The following MADD variants were observed in gnomAD, a reference collection of about 807,000 sequenced individuals.
MADD encodes the protein MAP kinase activating death domain.
MADD carries 109 observed loss-of-function variants against 176.7 expected under a neutral mutation model. The observed-to-expected ratio is 0.62, with a 90% confidence interval of 0.53 to 0.72. MADD has a LOEUF of 0.72. Ranked by LOEUF, MADD falls within the 30% of genes least tolerant of loss-of-function variation. MADD has a pLI of 0.00. For synonymous variants in MADD, 771 were observed against 771.3 expected, an observed-to-expected ratio of 1.00 and a Z score of 0.01; for missense variants, 1,914 against 2,045.5, an observed-to-expected ratio of 0.94 and a Z score of 1.24.
exon 5 of MADD, chr11:47,276,784 T>A: frequency 6.2e-7 from 1 of 1,614,182 alleles, no homozygotes. Context: ...GTGATGGCAT[T>A]CGTGGCAATG....
chr11:47,324,646 C>A, intron 30 of MADD, 69 bp downstream of exon 33: 1 of 1,038,052 alleles, frequency 9.6e-7, no homozygotes, highest in East Asian at 2.5e-5. Flanking sequence ...TCCAAGCCCC[C>A]AGTACTTCCC....
At chr11:47,294,507 T>C (rs902414947) in intron 20 of MADD, among the ~76,000 whole-genome samples, 1 of 151,374 alleles carries the variant, frequency 6.6e-6, no homozygotes, top group South Asian at 2.1e-4. Flanking sequence ...CCGTCTCTAC[T>C]AAAAATACAA....
At chr11:47,299,077 T>C (rs976316987) in intron 22 of MADD, among the ~76,000 whole-genome samples, 3 of 152,248 alleles carry the variant, frequency 2.0e-5, no homozygotes, top group African/African-American at 7.2e-5. Flanking sequence ...CAGTTATGGT[T>C]ACTATAGCTT....
intron 22 of MADD, among the ~76,000 whole-genome samples, chr11:47,304,631 T>C (rs1293083526): frequency 6.6e-6 from 1 of 152,238 alleles, no homozygotes; most frequent in Non-Finnish European, 1.5e-5. Context: ...CTAATTCATA[T>C]CATGAACTGT....
exon 10 of MADD, chr11:47,282,951 C>G (rs1361658129): frequency 1.2e-6 from 2 of 1,613,542 alleles, no homozygotes; most frequent in East Asian, 2.2e-5. Context: ...GACTCTGACT[C>G]CGAACCTACT....
exon 18 of MADD, chr11:47,290,149 G>A (rs772099906): frequency 4.3e-6 from 7 of 1,613,800 alleles, no homozygotes; most frequent in African/African-American, 1.3e-5. Flanking sequence ...ATTGTTGCAG[G>A]AGATCAGTCG....
intron 26 of MADD, among the ~76,000 whole-genome samples, chr11:47,314,925 T>A (rs1316967295): frequency 1.2e-4 from 14 of 114,388 alleles, no homozygotes; most frequent in African/African-American, 2.6e-4. Flanking sequence ...ATATTAATCA[T>A]TAATTGTTTT....
chr11:47,274,680 C>T (rs1352322703), exon 3 of MADD: 2 of 1,614,252 alleles, frequency 1.2e-6, no homozygotes, highest in African/African-American at 2.7e-5. Context: ...AGCCCGAGGG[C>T]TGCCTGAGCG....
exon 7 of MADD, chr11:47,279,065 A>G: frequency 6.2e-7 from 1 of 1,613,952 alleles, no homozygotes; most frequent in Non-Finnish European, 8.5e-7. Flanking sequence ...AGAGCTGAAA[A>G]AGCATTTAAA....
At chr11:47,328,866 GAGAC>G (rs1359147064) in intron 32 of MADD, among the ~76,000 whole-genome samples, 162 bp downstream of exon 36, 2 of 152,176 alleles carry the variant, frequency 1.3e-5, no homozygotes, top group African/African-American at 4.8e-5. Context: ...TGAGCCCTGA[GAGAC>G]AGACACACAC....
At chr11:47,274,096 C>T in intron 2 of MADD, 120 bp downstream of exon 2, 1 of 943,496 alleles carries the variant, frequency 1.1e-6, no homozygotes. Flanking sequence ...TTATTTTACC[C>T]TGATGGGAGC....
rs758556700 is a variant in MADD at position 47,273,904 on chromosome 11, G to T, written c.-11G>T. The T allele has an allele frequency of 6.2e-7, 1 of 1,613,342 alleles. No individual in the cohort carries two copies. Among genetic ancestry groups the T allele is most frequent in the Admixed American group, 1.7e-5 (1 of 60,016 alleles). On this transcript the variant is annotated 5_prime_UTR_variant, in exon 2 of 33. It removes an upstream start codon present in the reference 5' UTR. Transcript: ENST00000402192. Reference sequence around the variant, plus strand: ...TGATGCTTCTCTGAGATAAACTGATGAATTGGAACCATGGTGCAAAAGAAG... The same window carrying T: ...TGATGCTTCTCTGAGATAAACTGATTAATTGGAACCATGGTGCAAAAGAAG...
intron 27 of MADD, among the ~76,000 whole-genome samples, chr11:47,318,416 G>A (rs2093657996): frequency 6.6e-6 from 1 of 152,304 alleles, no homozygotes; most frequent in Middle Eastern, 3.4e-3. Context: ...TCATTTTCAT[G>A]TCACCCTTTA....
chr11:47,324,231 C>T (rs778678131), intron 28 of MADD, 34 bp from the exon 32 acceptor site: 6 of 1,605,996 alleles, frequency 3.7e-6, no homozygotes, highest in South Asian at 3.3e-5. Context: ...CTGGACAGCC[C>T]TCATGATGGG....
chr11:47,323,598 T>C, intron 27 of MADD, 73 bp from the exon 31 acceptor site: 2 of 1,527,512 alleles, frequency 1.3e-6, no homozygotes, highest in African/African-American at 1.4e-5. Context: ...GGACCACCTT[T>C]CCCTGTAGGA....
chr11:47,311,374 T>A (rs1481454333), intron 25 of MADD, among the ~76,000 whole-genome samples: 1 of 152,232 alleles, frequency 6.6e-6, no homozygotes, highest in Non-Finnish European at 1.5e-5. Context: ...AGTCTGGTGT[T>A]GCCACTCTAA....
chr11:47,322,002 T>G (rs1210935239), intron 27 of MADD, among the ~76,000 whole-genome samples: 1 of 152,004 alleles, frequency 6.6e-6, no homozygotes, highest in East Asian at 1.9e-4. Context: ...GTAAGAACCA[T>G]CAACATGGTA....
chr11:47,272,576 A>T (rs1224413007), intron 1 of MADD, among the ~76,000 whole-genome samples: 1 of 152,200 alleles, frequency 6.6e-6, no homozygotes, highest in African/African-American at 2.4e-5. Flanking sequence ...AACACTAGAA[A>T]TATGAGAAAA....
chr11:47,293,878 C>T lies in MADD; in HGVS notation c.3302-5C>T, dbSNP rs540158523. On this transcript the variant is annotated splice_polypyrimidine_tract_variant and splice_region_variant and intron_variant, in intron 19 of 32. Transcript: ENST00000402192. ...ACGGAGTAACAGAAGTCTTCCCCTA[C>T]TCAGGGCCTGAAGTAATCAAACCTG... The T allele has an allele frequency of 1.2e-6, 2 of 1,605,828 alleles. No individual in the cohort carries two copies. The highest frequency in any genetic ancestry group is 2.2e-5 in the South Asian group (2 of 90,924).
Sources: allele counts gnomAD v4.1 joint callset (sites outside exome capture counted in the v4.1 genomes callset), GRCh38; gene constraint gnomAD v4.1.1; transcripts MANE v1.5; gene names NCBI Gene and HGNC (gene_info 2026-07-23, HGNC 2026-07-21).